Variants in SMARCAD1 observed in about 807,000 individuals in gnomAD.
The protein encoded by SMARCAD1 is SNF2 related chromatin remodeling ATPase with DExD box 1.
SMARCAD1 carries 25 observed loss-of-function variants against 127.1 expected under a neutral mutation model. The ratio of observed to expected loss-of-function variants is 0.20; its 90% CI spans 0.14 to 0.27. The LOEUF (loss-of-function observed/expected upper bound fraction) is 0.27. Ranked by LOEUF, SMARCAD1 falls within the 10% of genes least tolerant of loss-of-function variation. SMARCAD1 has a pLI of 1.00. For synonymous variants in SMARCAD1, 400 were observed against 396.9 expected (o/e 1.01, Z -0.09); for missense variants, 807 against 1,206.0 (o/e 0.67, Z 4.90).
chr4:94,220,570 T>C (rs1284988318), intron 2 of SMARCAD1, among the ~76,000 whole-genome samples: 1 of 152,162 alleles, frequency 6.6e-6, no homozygotes, highest in African/African-American at 2.4e-5. Context: ...CAAAGTGTGG[T>C]CTGTGAACTT....
At chr4:94,233,741 A>G (rs1421026533) in intron 3 of SMARCAD1, among the ~76,000 whole-genome samples, 1 of 152,048 alleles carries the variant, frequency 6.6e-6, no homozygotes, top group Admixed American at 6.6e-5. Context: ...CAGGGTTGAG[A>G]TTTTTTCAGT....
At chr4:94,275,796 C>CTTTTATTTTATTTTATTTTTT (rs1553920714) in intron 14 of SMARCAD1, among the ~76,000 whole-genome samples, 10 of 85,402 alleles carry the variant, frequency 1.2e-4, no homozygotes, top group Admixed American at 5.1e-4. Flanking sequence ...TTAACATTTT[C>CTTTTATTTTATTTTATTTTTT]TTTTTTTTTT....
At chr4:94,229,884 T>C (rs1243024097) in intron 3 of SMARCAD1, among the ~76,000 whole-genome samples, 4 of 152,010 alleles carry the variant, frequency 2.6e-5, no homozygotes, top group African/African-American at 9.7e-5. Flanking sequence ...CCTCTCATTC[T>C]GTTTTCTTCT....
chr4:94,272,957 G>A (rs971704429), intron 11 of SMARCAD1, among the ~76,000 whole-genome samples: 2 of 151,584 alleles, frequency 1.3e-5, no homozygotes, highest in African/African-American at 2.4e-5. Context: ...ACAGACATGC[G>A]CCACCATGCC....
chr4:94,248,443 C>T (rs1349382372), intron 6 of SMARCAD1: 1 of 455,940 alleles, frequency 2.2e-6, no homozygotes, highest in Admixed American at 2.3e-5. Flanking sequence ...GGTTGTTGTC[C>T]ATCTGTGAGC....
intron 20 of SMARCAD1, among the ~76,000 whole-genome samples, chr4:94,281,042 G>T (rs1006859857): frequency 3.3e-5 from 5 of 152,114 alleles, no homozygotes; most frequent in African/African-American, 1.2e-4. Context: ...TTTCATAGGT[G>T]ACAATCTGTA....
rs748148546 is a variant in SMARCAD1 at position 94,273,675 on chromosome 4, A to G, written c.1631A>G (p.Asn544Ser). 5.6e-6 allele frequency: 9 copies of G among 1,613,958 alleles called. No homozygotes were observed. Among genetic ancestry groups the G allele is most frequent in the South Asian group, 1.1e-5 (1 of 91,082 alleles). ...AFLAYLYQEG[N>S]NGPHLIVVPA... ...CTGGCATACCTCTATCAGGAGGGTA[A>G]TAATGGTCCTCATTTGATCGTTGTT... The change falls in exon 12 of 24, where the codon AAT (asparagine) becomes AGT (serine). Residue 544 changes from asparagine (N) to serine (S), a missense_variant. Asn to Ser is a conservative substitution (Grantham distance 46). This residue lies in a region of SMARCAD1 where 148 missense variants were observed against 313.2 expected (regional missense o/e 0.47). Transcript: ENST00000354268.
chr4:94,288,510 T>C (rs1315479093), intron 23 of SMARCAD1, among the ~76,000 whole-genome samples: 1 of 152,166 alleles, frequency 6.6e-6, no homozygotes, highest in Non-Finnish European at 1.5e-5. Context: ...GTCAGTGAAC[T>C]GACATCCCTA....
intron 5 of SMARCAD1, among the ~76,000 whole-genome samples, chr4:94,237,707 C>A (rs902169683): frequency 6.6e-6 from 1 of 151,996 alleles, no homozygotes; most frequent in Non-Finnish European, 1.5e-5. Flanking sequence ...TTTAAAAAAT[C>A]ATATAATAAT....
At chr4:94,236,901 ATAAT>A (rs1746744357) in intron 4 of SMARCAD1, 47 bp from the exon 5 acceptor site, 2 of 1,402,902 alleles carry the variant, frequency 1.4e-6, no homozygotes, top group Middle Eastern at 1.9e-4. Flanking sequence ...AGTAACTGAA[ATAAT>A]TCTTAAAGTG....
At chr4:94,258,343 C>T (rs941389237) in intron 9 of SMARCAD1, among the ~76,000 whole-genome samples, 5 of 151,854 alleles carry the variant, frequency 3.3e-5, no homozygotes, top group African/African-American at 1.2e-4. Context: ...TTAGCAGAGA[C>T]GGAGTTTCAT....
At position 94,252,727 on chromosome 4, in the gene SMARCAD1, T is replaced by A; in HGVS notation, c.1001T>A (p.Met334Lys). 6.3e-7 allele frequency: 1 copy of A among 1,596,936 alleles called. No homozygotes were observed. Among genetic ancestry groups the A allele is most frequent in the Non-Finnish European group, 8.5e-7 (1 of 1,172,864 alleles). The change falls in exon 9 of 24, where the codon ATG (methionine) becomes AAG (lysine). Residue 334 changes from methionine to lysine, a missense_variant. Met to Lys is a moderately conservative substitution (Grantham distance 95). Transcript: ENST00000354268. ...ACAAAACTAAAACAGAAATTTTCAATGAAAGCACAAAATGGCTTTAACAAG... is the reference window on the plus strand; with the variant it reads ...ACAAAACTAAAACAGAAATTTTCAAAGAAAGCACAAAATGGCTTTAACAAG... ...TKTKLKQKFSMKAQNGFNKKR... is the reference protein window; with the variant it reads ...TKTKLKQKFSKKAQNGFNKKR...
At chr4:94,232,302 TC>T (rs1396080768) in intron 3 of SMARCAD1, among the ~76,000 whole-genome samples, 1 of 152,186 alleles carries the variant, frequency 6.6e-6, no homozygotes, top group Non-Finnish European at 1.5e-5. Context: ...ATTTGTTAGA[TC>T]ATTGAGTCTG....
intron 2 of SMARCAD1, among the ~76,000 whole-genome samples, chr4:94,219,832 A>G (rs1743816108): frequency 6.6e-6 from 1 of 152,148 alleles, no homozygotes; most frequent in African/African-American, 2.4e-5. Context: ...CTTCACTCCT[A>G]TTTCAAAAGG....
In SMARCAD1 at chr4:94,291,170, C is replaced by CT. The variant is rs1168712792; in HGVS notation, c.*1643dup. On this transcript the variant is annotated 3_prime_UTR_variant, in exon 24 of 24. Coordinates refer to ENST00000354268, the MANE Select transcript of SMARCAD1 (RefSeq NM_020159.5). ...ATGTATTTTCAATGATAGGCTGTTT[C>CT]TTTTTTTGTTGTTATTGTTGTTGTT... 2 of 453,396 alleles carry CT rather than the reference C, an allele frequency of 4.4e-6. No homozygotes were observed. The highest frequency in any genetic ancestry group is 1.6e-5 in the South Asian group (1 of 64,218). The allele number at this position is 453,396 out of a possible 1,614,324, so 28.1% of individuals were successfully genotyped here.
At chr4:94,244,128 C>G (rs751432817) in intron 6 of SMARCAD1, among the ~76,000 whole-genome samples, 19 of 152,270 alleles carry the variant, frequency 1.2e-4, no homozygotes, top group Non-Finnish European at 2.5e-4. Context: ...GAAAGATTGT[C>G]AAATATTTGG....
chr4:94,278,100 C>T (rs1192704686), intron 16 of SMARCAD1, among the ~76,000 whole-genome samples: 1 of 152,202 alleles, frequency 6.6e-6, no homozygotes, highest in African/African-American at 2.4e-5. Context: ...CACTTAGACA[C>T]ATTTTTCAAT....
At chr4:94,260,880 T>G (rs1238260505) in intron 9 of SMARCAD1, among the ~76,000 whole-genome samples, 1 of 152,108 alleles carries the variant, frequency 6.6e-6, no homozygotes, top group Non-Finnish European at 1.5e-5. Context: ...GGAAGAAAAT[T>G]TTTTTAATAA....
intron 20 of SMARCAD1, among the ~76,000 whole-genome samples, chr4:94,281,210 G>A (rs1051348516): frequency 6.6e-6 from 1 of 152,154 alleles, no homozygotes; most frequent in Non-Finnish European, 1.5e-5. Context: ...TTATGAAAAG[G>A]AAGTAATTTA....
Sources: gnomAD v4.1 joint callset for allele counts (sites outside exome capture counted in the v4.1 genomes callset) on GRCh38, gnomAD v4.1.1 for gene constraint, gnomAD v4.1.1 regional missense constraint, MANE v1.5 for transcripts, NCBI Gene and HGNC (gene_info 2026-07-23, HGNC 2026-07-21) for gene names.